COL6A6: variants seen among roughly 807,000 people sequenced by gnomAD.
COL6A6 encodes the protein collagen alpha-6(VI) chain.
Under a neutral mutation model 208.6 loss-of-function variants are expected in COL6A6, and 183 were observed. That is an observed-to-expected ratio of 0.88 (90% CI 0.78 to 0.99). The LOEUF is 0.99. Among genes scored for constraint, COL6A6 ranks in the 50% least tolerant of loss-of-function variants. The pLI is 0.00. For synonymous variants in COL6A6, 973 were observed against 1,011.8 expected, an observed-to-expected ratio of 0.96 and a Z score of 0.73; for missense variants, 2,816 against 2,815.2, an observed-to-expected ratio of 1.00 and a Z score of -0.01.
At chr3:130,563,761 A>G (rs2062951933) in intron 3 of COL6A6, 97 bp downstream of exon 3, 5 of 803,418 alleles carry the variant, frequency 6.2e-6, no homozygotes, top group African/African-American at 1.7e-5. Flanking sequence ...CCTATCCCCA[A>G]AATGGGCTGC....
Position 130,649,261 on chromosome 3 carries a change from A to T in COL6A6, c.5432A>T (p.His1811Leu), listed in dbSNP as rs2065554957. The change falls in exon 33 of 37, where the codon CAC becomes CTC. Residue 1811 changes from histidine to leucine, a missense_variant. Transcript: ENST00000358511. ...CTCTCCTATAACTCCCACGCCAGGC[A>T]CCTTGTGCGCTTCTCAGACGCCTAC... ...AILSYNSHAR[H>L]LVRFSDAYKK... 3 of 1,599,594 alleles carry T rather than the reference A, an allele frequency of 1.9e-6. No individual in the cohort carries two copies. Among genetic ancestry groups the T allele is most frequent in the Middle Eastern group, 1.6e-4 (1 of 6,070 alleles).
chr3:130,668,571 T>G (rs1308655488), intron 36 of COL6A6, among the ~76,000 whole-genome samples: 1 of 152,074 alleles, frequency 6.6e-6, no homozygotes, highest in Non-Finnish European at 1.5e-5. Context: ...GGAAAAAACA[T>G]ACCAGGCAAA....
intron 2 of COL6A6, among the ~76,000 whole-genome samples, chr3:130,561,685 G>A (rs1186716770): frequency 7.7e-6 from 1 of 129,476 alleles, no homozygotes; most frequent in African/African-American, 3.1e-5. Flanking sequence ...TCGCTCTGTC[G>A]CCCAGGCCAG....
intron 1 of COL6A6, among the ~76,000 whole-genome samples, chr3:130,531,058 A>T (rs62282877): frequency 0.17 from 3,739 of 22,034 alleles, 128 homozygotes; most frequent in African/African-American, 0.23. Context: ...ACACACACAC[A>T]CAGTCTCTCT....
rs753213991 is a variant in COL6A6, at chr3:130,642,874, A to G, written c.5190+7A>G. The G allele has an allele frequency of 5.0e-6, 8 of 1,613,778 alleles. No homozygotes were observed. Among genetic ancestry groups the G allele is most frequent in the Admixed American group, 1.7e-5 (1 of 60,008 alleles). Reference sequence around the variant, plus strand: ...AGGCTTGGCTTCATTTTCTGTACGTATCTCCCGACTACAACAGAGTGCTCT... The same window carrying G: ...AGGCTTGGCTTCATTTTCTGTACGTGTCTCCCGACTACAACAGAGTGCTCT... On this transcript the variant is annotated splice_region_variant and intron_variant, in intron 30 of 36. Transcript: ENST00000358511.
intron 19 of COL6A6, among the ~76,000 whole-genome samples, chr3:130,599,333 CTTTA>C (rs1242587231): frequency 2.0e-5 from 3 of 152,094 alleles, no homozygotes; most frequent in Non-Finnish European, 2.9e-5. Flanking sequence ...TATTATGAGA[CTTTA>C]TTTACAGTAA....
At chr3:130,529,787 C>G (rs538590755) in intron 1 of COL6A6, among the ~76,000 whole-genome samples, 6 of 152,248 alleles carry the variant, frequency 3.9e-5, no homozygotes, top group African/African-American at 1.4e-4. Flanking sequence ...ATTTAACCTC[C>G]TGGCCCTGGA....
At chr3:130,548,332 T>G (rs1043633274) in intron 1 of COL6A6, among the ~76,000 whole-genome samples, 2 of 152,212 alleles carry the variant, frequency 1.3e-5, no homozygotes, top group African/African-American at 4.8e-5. Flanking sequence ...GCCTCAGTCT[T>G]TTAGTTAGCC....
rs770373014 is a variant in COL6A6, at chr3:130,675,280, T to A, written c.6675T>A (p.Tyr2225Ter). The A allele has an allele frequency of 3.2e-6, 5 of 1,586,618 alleles. No homozygotes were observed. In the East Asian group the frequency reaches 1.1e-4, roughly 36 times the overall value. Residue 2225 changes from tyrosine to a stop codon, truncating the protein, a stop_gained, in exon 37 of 37, where the codon TAT becomes TAA. Transcript: ENST00000358511. LOFTEE classifies it low-confidence loss of function (END_TRUNC). The stretch of plus-strand genomic sequence containing the variant: ...CAAAATTCTTTCAAGATAAAAAATA[T>A]CTTTCAAGAGTAGCAAGAAGTGGCA... ...QKAKFFQDKK[Y>*]LSRVARSGRD...
intron 31 of COL6A6, 121 bp downstream of exon 31, chr3:130,643,144 T>G: frequency 9.5e-7 from 1 of 1,055,088 alleles, no homozygotes; most frequent in Admixed American, 2.1e-5. Flanking sequence ...TGTCACTGCA[T>G]GTATTTTTGA....
chr3:130,584,916 T>C (rs993274720), intron 10 of COL6A6, among the ~76,000 whole-genome samples: 3 of 151,988 alleles, frequency 2.0e-5, no homozygotes, highest in Non-Finnish European at 4.4e-5. Flanking sequence ...ACCCGGCCTC[T>C]TTCTTTCTTC....
Position 130,593,082 on chromosome 3 carries a change from A to G in COL6A6, c.4393A>G (p.Ile1465Val). The change falls in exon 16 of 37, where the codon ATT becomes GTT. Residue 1465 changes from isoleucine to valine, a missense_variant. Physicochemically the swap from Ile to Val is conservative, Grantham distance 29. Coordinates refer to ENST00000358511, the MANE Select transcript of COL6A6 (RefSeq NM_001102608.3). ...TCAGGGAGAAGTTGGGGAAAATGGA[A>G]TTGACGGATTAAACGGAGAACAGGT... ...GQEGEVGENG[I>V]DGLNGEQGDN... 1 of 1,613,668 alleles carries G rather than the reference A, an allele frequency of 6.2e-7. No individual in the cohort carries two copies. The highest frequency in any genetic ancestry group is 1.1e-5 in the South Asian group (1 of 91,080).
At position 130,517,321 on chromosome 3, in the gene COL6A6, C is replaced by G. The variant is rs112854204; in HGVS notation, c.-108C>G. Among the ~76,000 whole-genome samples the G allele has an allele frequency of 0.032, 4,845 of 152,332 alleles. 113 individuals are homozygous for G. Among genetic ancestry groups the G allele is most frequent in the South Asian group, 0.098 (471 of 4,830 alleles). ...CGCTCCCCGCGGTGCGCCCTGCCCG[C>G]GCAGTGCGCGTCCAGAGGAAATCCG... On this transcript the variant is annotated 5_prime_UTR_variant, in exon 1 of 37. Coordinates refer to ENST00000358511, the MANE Select transcript of COL6A6 (RefSeq NM_001102608.3).
At position 130,568,335 on chromosome 3, in the gene COL6A6, A is replaced by G. The variant is rs770368680; in HGVS notation, c.2132A>G (p.Tyr711Cys). Residue 711 changes from tyrosine to cysteine, a missense_variant, in exon 6 of 37, where the codon TAC (tyrosine) becomes TGC (cysteine). Tyr to Cys is a radical substitution (Grantham distance 194). Transcript: ENST00000358511. ...AGTGCCCTGAGCTTTGTGTCTCAGTACTTCAGCCCCACCAAGGGCGCCCGG... is the reference window on the plus strand; with the variant it reads ...AGTGCCCTGAGCTTTGTGTCTCAGTGCTTCAGCCCCACCAAGGGCGCCCGG... ...TGSALSFVSQ[Y>C]FSPTKGARPN... is the part of the protein sequence containing the mutation. 1.2e-6 allele frequency: 2 copies of G among 1,614,022 alleles called. No homozygotes were observed. The highest frequency in any genetic ancestry group is 1.7e-6 in the Non-Finnish European group (2 of 1,179,904).
chr3:130,577,183 G>C (rs1219373114), intron 8 of COL6A6, among the ~76,000 whole-genome samples: 1 of 152,104 alleles, frequency 6.6e-6, no homozygotes, highest in African/African-American at 2.4e-5. Flanking sequence ...ATCTTACATG[G>C]TTGGTGTTTT....
At chr3:130,601,393 G>A (rs1215198950) in intron 20 of COL6A6, among the ~76,000 whole-genome samples, 5 of 152,130 alleles carry the variant, frequency 3.3e-5, no homozygotes, top group Admixed American at 6.6e-5. Context: ...AAAAGAGATC[G>A]TTTAAAATAT....
At chr3:130,565,705 A>C in intron 4 of COL6A6, 91 bp downstream of exon 4, 1 of 1,378,926 alleles carries the variant, frequency 7.3e-7, no homozygotes, top group South Asian at 1.6e-5. Context: ...GCTTGGGAAG[A>C]TGTGGATGGG....
chr3:130,601,619 A>G (rs1024962736), intron 20 of COL6A6, among the ~76,000 whole-genome samples: 2 of 152,190 alleles, frequency 1.3e-5, no homozygotes, highest in Non-Finnish European at 2.9e-5. Flanking sequence ...CAATATTGCT[A>G]TGCATTATTT....
intron 6 of COL6A6, 80 bp from the exon 7 acceptor site, chr3:130,570,738 C>T (rs1435187382): frequency 2.4e-5 from 25 of 1,061,554 alleles, no homozygotes; most frequent in Non-Finnish European, 3.4e-5. Flanking sequence ...AAAACACTAG[C>T]AATTTATAAA....
Sources: gnomAD v4.1 joint callset for allele counts (sites outside exome capture counted in the v4.1 genomes callset) on GRCh38, gnomAD v4.1.1 for gene constraint, MANE v1.5 for transcripts, NCBI Gene and HGNC (gene_info 2026-07-23, HGNC 2026-07-21) for gene names.